Variants in NCKAP5 observed in about 807,000 individuals in gnomAD.
NCKAP5 encodes nck-associated protein 5.
A neutral mutation model predicts 167.0 loss-of-function variants in NCKAP5; 92 were observed. The ratio of observed to expected loss-of-function variants is 0.55; its 90% CI spans 0.47 to 0.66. NCKAP5 has a LOEUF of 0.66. NCKAP5 is among the 30% of genes least tolerant of loss of function. The probability of loss-of-function intolerance (pLI) is 0.00; values close to 1 mark genes in which losing one functional copy is unlikely to be tolerated. For synonymous variants in NCKAP5, 891 were observed against 877.4 expected, an observed-to-expected ratio of 1.02 and a Z score of -0.27; for missense variants, 2,378 against 2,315.0, an observed-to-expected ratio of 1.03 and a Z score of -0.56.
chr2:132,999,305 C>T (rs2077702997), intron 6 of NCKAP5, among the ~76,000 whole-genome samples: 1 of 152,152 alleles, frequency 6.6e-6, no homozygotes, highest in African/African-American at 2.4e-5. Context: ...AGGGAAATTG[C>T]ATATTAAAAC....
At chr2:133,279,639 C>T (rs1022681323) in intron 4 of NCKAP5, among the ~76,000 whole-genome samples, 1 of 152,130 alleles carries the variant, frequency 6.6e-6, no homozygotes, top group African/African-American at 2.4e-5. Flanking sequence ...TGGCCCAGGG[C>T]CAACTGAATT....
Position 133,368,498 on chromosome 2 carries a change from A to T in NCKAP5, c.70-65388T>A, listed in dbSNP as rs190242537. 2.0e-5 allele frequency among the ~76,000 whole-genome samples: 3 copies of T among 152,304 alleles called. No individual in the cohort carries two copies. The East Asian group carries it at 5.8e-4, about 29-fold the overall frequency. ...AAACAGAACTCTTTACTCTTGGTGA[A>T]AAATACAATTATTAGCGGTTCACAT... On this transcript the variant is annotated intron_variant, in intron 3 of 19. Coordinates refer to ENST00000409261, the MANE Select transcript of NCKAP5 (RefSeq NM_207363.3).
At chr2:133,083,108 TG>T (rs1486434699) in intron 6 of NCKAP5, among the ~76,000 whole-genome samples, 1 of 152,074 alleles carries the variant, frequency 6.6e-6, no homozygotes. Context: ...TCTCTTTAAG[TG>T]GTGTTAAGAA....
the NCKAP5 span, among the ~76,000 whole-genome samples, chr2:133,639,342 C>T: frequency 5.3e-5 from 8 of 152,066 alleles, no homozygotes; most frequent in Non-Finnish European, 1.0e-4. Context: ...CTCTTGTTCA[C>T]GTAGACAAGA....
At chr2:132,800,028 A>G (rs1057044656) in intron 11 of NCKAP5, among the ~76,000 whole-genome samples, 18 of 152,216 alleles carry the variant, frequency 1.2e-4, no homozygotes, top group African/African-American at 4.1e-4. Flanking sequence ...AATTTTTATA[A>G]TAGGCTCATA....
chr2:133,554,412 T>A (rs1687591227), intron 2 of NCKAP5: 1 of 152,102 alleles, frequency 6.6e-6, no homozygotes, highest in Non-Finnish European at 1.5e-5. Flanking sequence ...AAAGTAAAGA[T>A]GAGAGAAAAA....
intron 16 of NCKAP5, among the ~76,000 whole-genome samples, chr2:132,739,461 GACA>G (rs1237626501): frequency 2.6e-5 from 4 of 152,228 alleles, no homozygotes; most frequent in Admixed American, 2.6e-4. Context: ...CTTGCTGTGG[GACA>G]ACAAGGGCTT....
At chr2:133,422,581 C>A (rs1689550198) in intron 3 of NCKAP5, among the ~76,000 whole-genome samples, 1 of 152,102 alleles carries the variant, frequency 6.6e-6, no homozygotes, top group Non-Finnish European at 1.5e-5. Flanking sequence ...TTTCTCTGGT[C>A]AAAGGAATTA....
chr2:133,116,055 C>G (rs2082072235), intron 6 of NCKAP5, among the ~76,000 whole-genome samples: 1 of 151,616 alleles, frequency 6.6e-6, no homozygotes, highest in Non-Finnish European at 1.5e-5. Flanking sequence ...ATCAATTTCT[C>G]CAATTGTTAA....
intron 3 of NCKAP5, among the ~76,000 whole-genome samples, chr2:133,416,350 T>G (rs988192373): frequency 6.6e-6 from 1 of 152,302 alleles, no homozygotes; most frequent in East Asian, 1.9e-4. Context: ...GAGATACCCT[T>G]TGGATTTGTT....
intron 3 of NCKAP5, among the ~76,000 whole-genome samples, chr2:133,419,833 C>G (rs2151087946): frequency 6.6e-6 from 1 of 152,326 alleles, no homozygotes; most frequent in South Asian, 2.1e-4. Context: ...TGACCACATG[C>G]ATATATGACA....
chr2:132,977,127 G>A (rs1376873355), intron 7 of NCKAP5, among the ~76,000 whole-genome samples: 2 of 152,082 alleles, frequency 1.3e-5, no homozygotes, highest in Non-Finnish European at 2.9e-5. Context: ...ACTCTCAGGG[G>A]CAGGAATAAT....
chr2:133,472,074 C>T (rs1172547708), intron 3 of NCKAP5, among the ~76,000 whole-genome samples: 1 of 152,138 alleles, frequency 6.6e-6, no homozygotes, highest in African/African-American at 2.4e-5. Context: ...CACAATCCCA[C>T]CATCTTAACT....
At position 132,878,872 on chromosome 2, in the gene NCKAP5, T is replaced by C; in HGVS notation, c.624A>G (p.Glu208=). ...ALALENENQR[E]QYERCLDEVA... The stretch of plus-strand genomic sequence containing the variant: ...CCTCATCAAGACATCGCTCATATTG[T>C]TCCCTTTGATTTTCATTCTCCAAAG... Residue 208 remains glutamate, a synonymous_variant, in exon 9 of 20, where the codon GAA becomes GAG. Coordinates refer to ENST00000409261, the MANE Select transcript of NCKAP5 (RefSeq NM_207363.3). The C allele has an allele frequency of 6.2e-7, 1 of 1,613,780 alleles. No individual in the cohort carries two copies. The highest frequency in any genetic ancestry group is 8.5e-7 in the Non-Finnish European group (1 of 1,179,658).
the NCKAP5 span, among the ~76,000 whole-genome samples, chr2:133,591,625 G>A: frequency 7.9e-4 from 120 of 152,190 alleles, no homozygotes; most frequent in African/African-American, 2.7e-3. Context: ...GCGCTTGGGC[G>A]GCACAAAACA....
chr2:133,126,383 T>C (rs928980889), intron 6 of NCKAP5, among the ~76,000 whole-genome samples: 3 of 152,208 alleles, frequency 2.0e-5, no homozygotes, highest in Non-Finnish European at 4.4e-5. Flanking sequence ...AAAGCACATG[T>C]ATATATCTGG....
intron 5 of NCKAP5, among the ~76,000 whole-genome samples, chr2:133,199,918 C>T (rs1424679519): frequency 6.6e-6 from 1 of 151,838 alleles, no homozygotes; most frequent in Admixed American, 6.6e-5. Flanking sequence ...ATTTCAACAA[C>T]ATTATGCTGT....
At position 133,183,996 on chromosome 2, in the gene NCKAP5, G is replaced by A. The variant is rs918258921; in HGVS notation, c.207+29720C>T. On this transcript the variant is annotated intron_variant, in intron 5 of 19. Transcript: ENST00000409261. ...TCTACTTTTGTGTTACATTCAGAGT[G>A]TACACGTGCAGGGTTTTTACATGGG... 4.6e-5 allele frequency among the ~76,000 whole-genome samples: 7 copies of A among 152,014 alleles called. No homozygotes were observed. In the East Asian group the frequency reaches 1.2e-3, roughly 25 times the overall value.
chr2:132,848,588 A>ATT (rs1688844408), intron 11 of NCKAP5, among the ~76,000 whole-genome samples: 1 of 152,214 alleles, frequency 6.6e-6, no homozygotes, highest in Non-Finnish European at 1.5e-5. Context: ...ATCTATTATA[A>ATT]AATATGATTT....
Sources: allele counts gnomAD v4.1 joint callset (sites outside exome capture counted in the v4.1 genomes callset), GRCh38; gene constraint gnomAD v4.1.1; transcripts MANE v1.5; gene names NCBI Gene and HGNC (gene_info 2026-07-23, HGNC 2026-07-21).